The following OLFM2 variants were observed in gnomAD, a reference collection of about 807,000 sequenced individuals.
OLFM2 encodes the protein noelin-2.
Under a neutral mutation model 43.9 loss-of-function variants are expected in OLFM2, and 20 were observed. That is an observed-to-expected ratio of 0.46 (90% CI 0.32 to 0.66). The LOEUF is 0.66. Ranked by LOEUF, OLFM2 falls within the 30% of genes least tolerant of loss-of-function variation. OLFM2 has a pLI of 0.04. For synonymous variants in OLFM2, 268 were observed against 278.6 expected, an observed-to-expected ratio of 0.96 and a Z score of 0.38; for missense variants, 416 against 643.6, an observed-to-expected ratio of 0.65 and a Z score of 3.83.
chr19:9,927,993 T>TC (rs1234209542), intron 1 of OLFM2, among the ~76,000 whole-genome samples: 1 of 152,094 alleles, frequency 6.6e-6, no homozygotes, highest in Admixed American at 6.6e-5. Context: ...GGCCAAGAGT[T>TC]CAAGACCAGC....
chr19:9,863,456 A>G (rs745811201), intron 1 of OLFM2, among the ~76,000 whole-genome samples: 1 of 152,136 alleles, frequency 6.6e-6, no homozygotes, highest in African/African-American at 2.4e-5. Context: ...GCACAGATCC[A>G]GACAGGTGAT....
intron 1 of OLFM2, among the ~76,000 whole-genome samples, chr19:9,895,974 C>T (rs2046679458): frequency 6.6e-6 from 1 of 152,056 alleles, no homozygotes; most frequent in Non-Finnish European, 1.5e-5. Context: ...TCCTTTTATT[C>T]TTAGGATAGA....
In OLFM2 at chr19:9,853,803, C is replaced by T. The variant is rs538309091; in HGVS notation, c.*383G>A. 8.6e-6 allele frequency: 3 copies of T among 350,806 alleles called. No homozygotes were observed. In the African/African-American group the frequency reaches 1.6e-4, roughly 19 times the overall value. 21.7% of individuals were successfully genotyped at this position (350,806 alleles called of 1,614,324 possible). ...AGAAACAGATCCATGCACTCAACTC[C>T]TGGGGGTGGGGGTGGGGGTGGGAGT... On this transcript the variant is annotated 3_prime_UTR_variant, in exon 6 of 6. Transcript: ENST00000264833.
At chr19:9,876,087 T>C (rs908610903) in intron 1 of OLFM2, among the ~76,000 whole-genome samples, 9 of 152,142 alleles carry the variant, frequency 5.9e-5, no homozygotes, top group African/African-American at 2.2e-4. Flanking sequence ...CCCAATTTAA[T>C]CTCTTGCCTG....
intron 1 of OLFM2, among the ~76,000 whole-genome samples, chr19:9,919,417 C>T (rs1189685484): frequency 6.6e-6 from 1 of 152,044 alleles, no homozygotes; most frequent in African/African-American, 2.4e-5. Flanking sequence ...CCACCTGCCT[C>T]GGCCTCCCAA....
In OLFM2 at chr19:9,874,959, C is replaced by T. The variant is rs144033085; in HGVS notation, c.64-14165G>A. On this transcript the variant is annotated intron_variant, in intron 1 of 5. Transcript: ENST00000264833. ...GGAACTGTGGCCTCACTTTGCTGGACGTTTCCCCAGCCTGTAACCCAATGC... is the reference window on the plus strand; with the variant it reads ...GGAACTGTGGCCTCACTTTGCTGGATGTTTCCCCAGCCTGTAACCCAATGC... Among the ~76,000 whole-genome samples, 154 of 152,250 alleles carry T rather than the reference C, an allele frequency of 1.0e-3. 3 individuals carry two copies. In the East Asian group the frequency reaches 0.025, roughly 24 times the overall value.
chr19:9,858,296 G>C (rs546710078), intron 2 of OLFM2: 3 of 280,432 alleles, frequency 1.1e-5, no homozygotes, highest in African/African-American at 5.0e-5. Flanking sequence ...CCTTCTGCAG[G>C]GTCTTTGCAC....
In OLFM2 at chr19:9,854,606, G is replaced by A. The variant is rs571765338; in HGVS notation, c.945C>T (p.Tyr315=). The stretch of plus-strand genomic sequence containing the variant: ...CCATGTCGGAGAAGCCGCCCCAGGA[G>A]TAGGGGAAGGTGTTGTTGTAACCGG... ...PGAGYNNTFP[Y]SWGGFSDMDF... Residue 315 remains tyrosine (Y), a synonymous_variant, in exon 6 of 6, where the codon TAC becomes TAT. Transcript: ENST00000264833. This position sits in a 1 kb window ranked among gnomAD's most constrained non-coding sequence, Gnocchi z 9.5. 3.9e-5 allele frequency: 63 copies of A among 1,614,172 alleles called. No homozygotes were observed. The South Asian group carries it at 6.7e-4, about 17-fold the overall frequency.
chr19:9,892,985 A>ATC (rs2046651383), intron 1 of OLFM2, among the ~76,000 whole-genome samples: 1 of 151,964 alleles, frequency 6.6e-6, no homozygotes, highest in Non-Finnish European at 1.5e-5. Flanking sequence ...GGCCTTGTCT[A>ATC]TCTCAAGTCC....
intron 2 of OLFM2, among the ~76,000 whole-genome samples, chr19:9,858,492 A>G (rs2046341668): frequency 6.6e-6 from 1 of 152,142 alleles, no homozygotes; most frequent in South Asian, 2.1e-4. Context: ...TATGTAGAAC[A>G]TTCTTATCCA....
At chr19:9,903,259 G>T (rs1464503366) in intron 1 of OLFM2, among the ~76,000 whole-genome samples, 1 of 152,130 alleles carries the variant, frequency 6.6e-6, no homozygotes, top group Non-Finnish European at 1.5e-5. Context: ...CTCACAAATA[G>T]CTCTGCCACA....
chr19:9,853,745 G>A lies in OLFM2; in HGVS notation c.*441C>T. On this transcript the variant is annotated 3_prime_UTR_variant, in exon 6 of 6. Coordinates refer to ENST00000264833, the MANE Select transcript of OLFM2 (RefSeq NM_058164.4). ...AAATGTCAAAGGTCCTGTTTATTCC[G>A]GCAAACCGGAAAGAAAAAGTGTAAA... 3 of 409,378 alleles carry A rather than the reference G, an allele frequency of 7.3e-6. No homozygotes were observed. Among genetic ancestry groups the A allele is most frequent in the Non-Finnish European group, 1.3e-5 (3 of 233,348 alleles). The allele number at this position is 409,378 out of a possible 1,614,324, so 25.4% of individuals were successfully genotyped here.
chr19:9,925,232 G>A (rs73500996), intron 1 of OLFM2, among the ~76,000 whole-genome samples: 3,755 of 152,164 alleles, frequency 0.025, 114 homozygotes, highest in Middle Eastern at 0.082. Context: ...ACTCTAGCCT[G>A]GGGGACAGAG....
Position 9,854,914 on chromosome 19 carries a change from G to C in OLFM2, c.688-51C>G. 7.1e-7 allele frequency: 1 copy of C among 1,413,702 alleles called. No individual in the cohort carries two copies. The highest frequency in any genetic ancestry group is 9.5e-7 in the Non-Finnish European group (1 of 1,047,714). 87.6% of individuals were successfully genotyped at this position (1,413,702 alleles called of 1,614,324 possible). A position where few individuals can be genotyped will look rare whatever the true frequency, so the allele number is the denominator to read the frequency against. On this transcript the variant is annotated intron_variant, in intron 5 of 5. Transcript: ENST00000264833. This position sits in a 1 kb window ranked among gnomAD's most constrained non-coding sequence, Gnocchi z 9.5. ...GGGGGAACCACCACCAACGACCCAA[G>C]GGTCCCAGCACCAGCTACAGCCATT...
chr19:9,885,191 G>T (rs889122), intron 1 of OLFM2, among the ~76,000 whole-genome samples: 31,321 of 152,174 alleles, frequency 0.21, 4,033 homozygotes, highest in Non-Finnish European at 0.27. Flanking sequence ...GGGAGTGATA[G>T]TAGTGCCTTA....
In OLFM2 at chr19:9,913,635, C is replaced by A. The variant is rs1014496652; in HGVS notation, c.63+22669G>T. ...ACCGACATCGCGCCTCCGCCTCATGCCCCGCGGCCGCCCGCCGCGCGTCCC... is the reference window on the plus strand; with the variant it reads ...ACCGACATCGCGCCTCCGCCTCATGACCCGCGGCCGCCCGCCGCGCGTCCC... On this transcript the variant is annotated intron_variant, in intron 1 of 5. Coordinates refer to ENST00000264833, the MANE Select transcript of OLFM2 (RefSeq NM_058164.4). The A allele has an allele frequency of 5.5e-6, 7 of 1,269,270 alleles. No individual in the cohort carries two copies. In the African/African-American group the frequency reaches 1.1e-4, roughly 20 times the overall value. The allele number at this position is 1,269,270 out of a possible 1,614,324, so 78.6% of individuals were successfully genotyped here.
chr19:9,856,638 C>G lies in OLFM2; in HGVS notation c.687+169G>C, dbSNP rs1599462714. On this transcript the variant is annotated intron_variant, in intron 5 of 5. Transcript: ENST00000264833. This position sits in a 1 kb window ranked among gnomAD's most constrained non-coding sequence, Gnocchi z 4.0. Reference sequence around the variant, plus strand: ...GAGTGGGATTCACAAGGCTGCAAAGCCCTTGGTCACTTGGGGGTTACTGGA... The same window carrying G: ...GAGTGGGATTCACAAGGCTGCAAAGGCCTTGGTCACTTGGGGGTTACTGGA... Among the ~76,000 whole-genome samples, 1 of 152,230 alleles carries G rather than the reference C, an allele frequency of 6.6e-6. No individual in the cohort carries two copies. Among genetic ancestry groups the G allele is most frequent in the Admixed American group, 6.5e-5 (1 of 15,280 alleles).
intron 1 of OLFM2, among the ~76,000 whole-genome samples, chr19:9,919,422 T>C (rs916915974): frequency 6.6e-6 from 1 of 151,892 alleles, no homozygotes; most frequent in Non-Finnish European, 1.5e-5. Context: ...TGCCTCGGCC[T>C]CCCAAAGTGC....
At chr19:9,921,615 A>C (rs577828307) in intron 1 of OLFM2, among the ~76,000 whole-genome samples, 2 of 152,016 alleles carry the variant, frequency 1.3e-5, no homozygotes, top group African/African-American at 4.8e-5. Flanking sequence ...CGGCCTCCCA[A>C]GTAGCTGGGA....
Sources: gnomAD v4.1 joint callset for allele counts (sites outside exome capture counted in the v4.1 genomes callset) on GRCh38, gnomAD v4.1.1 for gene constraint, Gnocchi (gnomAD v3.1) non-coding constraint, MANE v1.5 for transcripts, NCBI Gene and HGNC (gene_info 2026-07-23, HGNC 2026-07-21) for gene names.